LRBA: variants seen among roughly 807,000 people sequenced by gnomAD.
LRBA encodes the protein lipopolysaccharide-responsive and beige-like anchor protein.
Under a neutral mutation model 330.0 loss-of-function variants are expected in LRBA, and 176 were observed. That is an observed-to-expected ratio of 0.53 (90% CI 0.47 to 0.60). The LOEUF is 0.60. Among genes scored for constraint, LRBA ranks in the 20% least tolerant of loss-of-function variants. The pLI, the probability that LRBA is intolerant of heterozygous loss-of-function variation, is 0.00. For synonymous variants in LRBA, 1,230 were observed against 1,193.0 expected (o/e 1.03, Z -0.64); for missense variants, 3,259 against 3,444.8 (o/e 0.95, Z 1.35).
intron 5 of LRBA, among the ~76,000 whole-genome samples, chr4:150,918,861 T>G (rs1732937272): frequency 6.6e-6 from 1 of 152,162 alleles, no homozygotes; most frequent in Non-Finnish European, 1.5e-5. Context: ...TGGAAAACAG[T>G]CTGGAAGTTC....
At chr4:150,344,059 T>C (rs938005102) in intron 48 of LRBA, among the ~76,000 whole-genome samples, 2 of 152,330 alleles carry the variant, frequency 1.3e-5, no homozygotes, top group South Asian at 2.1e-4. Flanking sequence ...CAGAGCTTGA[T>C]AGTGTATTAC....
At chr4:150,430,163 T>C (rs1288803330) in intron 46 of LRBA, among the ~76,000 whole-genome samples, 1 of 152,166 alleles carries the variant, frequency 6.6e-6, no homozygotes, top group Non-Finnish European at 1.5e-5. Context: ...TAAATATATC[T>C]TAAATGTATC....
chr4:150,848,832 T>C lies in LRBA; in HGVS notation c.4325A>G (p.Gln1442Arg), dbSNP rs1314992625. Residue 1442 changes from glutamine (Q) to arginine (R), a missense_variant, in exon 26 of 57, where the codon CAG becomes CGG. Physicochemically the swap from Gln to Arg is conservative, Grantham distance 43. Transcript: ENST00000651943. ...TAGCAGCTCACCTAGTCGGAGACAC[T>C]GCCGCAAAATTCCTCCAGATGACAT... ...KSMSSGGILR[Q>R]CLRLVCAVAV... The C allele has an allele frequency of 1.2e-6, 2 of 1,605,018 alleles. No individual in the cohort carries two copies. The highest frequency in any genetic ancestry group is 4.5e-5 in the East Asian group (2 of 44,784).
At chr4:150,704,705 A>AT (rs990430076) in intron 36 of LRBA, among the ~76,000 whole-genome samples, 8 of 152,252 alleles carry the variant, frequency 5.3e-5, no homozygotes, top group African/African-American at 1.9e-4. Flanking sequence ...CAGAATTTAT[A>AT]TTTTTTGTGA....
chr4:150,979,697 A>G (rs1740620783), intron 2 of LRBA, among the ~76,000 whole-genome samples: 1 of 152,204 alleles, frequency 6.6e-6, no homozygotes, highest in Admixed American at 6.5e-5. Flanking sequence ...GTTTAAAATA[A>G]TAAGTTATAA....
In LRBA at chr4:151,002,225, C is replaced by G. The variant is rs1743445183; in HGVS notation, c.216+12202G>C. On this transcript the variant is annotated intron_variant, in intron 2 of 56. Transcript: ENST00000651943. ...AAAAAAAAAAAAAAAAAAAAAAGGG[C>G]ACCTCCAAAGGAACATAATAATTCT... Among the ~76,000 whole-genome samples the G allele has an allele frequency of 3.0e-5, 3 of 100,626 alleles. No homozygotes were observed. In the South Asian group the frequency reaches 1.1e-3, roughly 36 times the overall value. The allele number at this position is 100,626 out of a possible 152,430, so 66.0% of individuals were successfully genotyped here.
rs181793344 is a variant in LRBA at position 150,613,400 on chromosome 4, A to G, written c.5922-14269T>C. Among the ~76,000 whole-genome samples, 17 of 152,350 alleles carry G rather than the reference A, an allele frequency of 1.1e-4. No homozygotes were observed. In the East Asian group the frequency reaches 3.3e-3, roughly 29 times the overall value. On this transcript the variant is annotated intron_variant, in intron 37 of 56. Coordinates refer to ENST00000651943, the MANE Select transcript of LRBA (RefSeq NM_001364905.1). ...TGAGTCAAAGAGTTAACAGATGTTA[A>G]CCAGAATAAGAAAAGGAAAATCATT...
chr4:150,940,704 CT>C (rs1386284443), intron 2 of LRBA, among the ~76,000 whole-genome samples: 1 of 152,082 alleles, frequency 6.6e-6, no homozygotes, highest in Non-Finnish European at 1.5e-5. Flanking sequence ...TTACCACATT[CT>C]TTATTCAATT....
chr4:150,935,529 T>C (rs1315612346), intron 2 of LRBA, among the ~76,000 whole-genome samples: 3 of 152,064 alleles, frequency 2.0e-5, no homozygotes, highest in African/African-American at 7.2e-5. Context: ...TCAGTTCAAG[T>C]TGTTAACTTT....
At chr4:150,405,342 C>G (rs572025196) in intron 47 of LRBA, among the ~76,000 whole-genome samples, 3 of 152,042 alleles carry the variant, frequency 2.0e-5, no homozygotes, top group South Asian at 2.1e-4. Flanking sequence ...ATTTAAGAGG[C>G]AAAGAAATGT....
intron 50 of LRBA, among the ~76,000 whole-genome samples, chr4:150,319,601 G>T (rs1397174624): frequency 1.3e-5 from 2 of 151,948 alleles, no homozygotes; most frequent in Non-Finnish European, 2.9e-5. Flanking sequence ...AAGAATAAAA[G>T]GACATAATAA....
Position 150,639,886 on chromosome 4 carries a change from C to T in LRBA, c.5922-40755G>A, listed in dbSNP as rs575644195. On this transcript the variant is annotated intron_variant, in intron 37 of 56. Coordinates refer to ENST00000651943, the MANE Select transcript of LRBA (RefSeq NM_001364905.1). ...ATATATATATATTTAGATGGAGTTT[C>T]GCTCTTGCTGCCCAGGCTGGAGTGT... Among the ~76,000 whole-genome samples, 6 of 115,102 alleles carry T rather than the reference C, an allele frequency of 5.2e-5. 1 individual carries two copies. The South Asian group carries it at 1.9e-3, about 37-fold the overall frequency. The allele number at this position is 115,102 out of a possible 152,430, so 75.5% of individuals were successfully genotyped here.
At chr4:150,389,832 T>C (rs997545798) in intron 47 of LRBA, among the ~76,000 whole-genome samples, 2 of 147,660 alleles carry the variant, frequency 1.4e-5, no homozygotes, top group Non-Finnish European at 3.0e-5. Flanking sequence ...CTATGGTACA[T>C]AATGTCAGTG....
At chr4:150,546,036 C>G (rs1373827578) in intron 40 of LRBA, among the ~76,000 whole-genome samples, 1 of 151,982 alleles carries the variant, frequency 6.6e-6, no homozygotes, top group Admixed American at 6.6e-5. Flanking sequence ...ATGTAAGAAA[C>G]TACTGTAGTT....
chr4:150,565,017 C>T (rs775769279), intron 40 of LRBA, among the ~76,000 whole-genome samples: 15 of 152,038 alleles, frequency 9.9e-5, no homozygotes, highest in Non-Finnish European at 1.6e-4. Context: ...CCAGCAATCC[C>T]GTTACTGGAT....
chr4:150,439,040 T>C (rs1751492299), intron 44 of LRBA, among the ~76,000 whole-genome samples: 1 of 152,216 alleles, frequency 6.6e-6, no homozygotes, highest in Non-Finnish European at 1.5e-5. Context: ...CTCCAAGGAT[T>C]CTTTCTTTGT....
chr4:150,909,289 T>A (rs1731702567), intron 9 of LRBA, among the ~76,000 whole-genome samples: 1 of 152,144 alleles, frequency 6.6e-6, no homozygotes, highest in Non-Finnish European at 1.5e-5. Context: ...CATTTCCTGC[T>A]CCCCACCAGC....
At chr4:150,803,070 A>C (rs7672095) in intron 33 of LRBA, among the ~76,000 whole-genome samples, 1,991 of 45,336 alleles carry the variant, frequency 0.044, 57 homozygotes, top group African/African-American at 0.1. Flanking sequence ...AACAAACAAA[A>C]AAAAAATATA....
intron 40 of LRBA, among the ~76,000 whole-genome samples, chr4:150,559,815 A>G (rs1379706265): frequency 2.8e-5 from 2 of 70,580 alleles, no homozygotes; most frequent in Non-Finnish European, 5.1e-5. Flanking sequence ...TATATATAAT[A>G]ATATATAATA....
Sources: allele counts gnomAD v4.1 joint callset (sites outside exome capture counted in the v4.1 genomes callset), GRCh38; gene constraint gnomAD v4.1.1; transcripts MANE v1.5; gene names NCBI Gene and HGNC (gene_info 2026-07-23, HGNC 2026-07-21).